The following NRG3 variants were observed in gnomAD, a reference collection of about 807,000 sequenced individuals.
NRG3 encodes the protein pro-neuregulin-3, membrane-bound isoform.
In NRG3, 31 loss-of-function variants were observed where a neutral mutation model predicts 66.9. The ratio of observed to expected loss-of-function variants is 0.46; its 90% confidence interval spans 0.35 to 0.63. The LOEUF (loss-of-function observed/expected upper bound fraction) is 0.63. NRG3 is among the 20% of genes least tolerant of loss of function. The pLI is 0.00. For missense variants in NRG3, 910 were observed against 878.9 expected (o/e 1.04, Z -0.45); for synonymous variants, 393 against 359.4 (o/e 1.09, Z -1.06).
chr10:82,555,984 G>T (rs1051547761), intron 2 of NRG3, among the ~76,000 whole-genome samples: 4 of 152,026 alleles, frequency 2.6e-5, no homozygotes, highest in African/African-American at 9.7e-5. Context: ...TTGCAACTTG[G>T]ATTTCTCTCA....
At chr10:82,156,994 C>T (rs757363828) in intron 1 of NRG3, among the ~76,000 whole-genome samples, 24 of 151,630 alleles carry the variant, frequency 1.6e-4, no homozygotes, top group Non-Finnish European at 1.8e-4. Flanking sequence ...GTCATTGCAT[C>T]GGCAGGAATC....
At chr10:82,274,411 T>C (rs757136805) in intron 1 of NRG3, among the ~76,000 whole-genome samples, 5 of 147,504 alleles carry the variant, frequency 3.4e-5, no homozygotes, top group Non-Finnish European at 7.4e-5. Flanking sequence ...TTGTCAGATC[T>C]AGAATGATTA....
At chr10:82,384,012 CATT>C (rs1327652425) in intron 2 of NRG3, among the ~76,000 whole-genome samples, 1 of 152,028 alleles carries the variant, frequency 6.6e-6, no homozygotes, top group Non-Finnish European at 1.5e-5. Context: ...CATCACTAAA[CATT>C]AATCTGCTAT....
chr10:82,759,682 T>G (rs929814905), intron 3 of NRG3, among the ~76,000 whole-genome samples: 2 of 152,110 alleles, frequency 1.3e-5, no homozygotes, highest in Non-Finnish European at 2.9e-5. Flanking sequence ...GCCAAAGTGA[T>G]GAGAAGTTGT....
intron 3 of NRG3, among the ~76,000 whole-genome samples, chr10:82,828,333 C>T (rs1412902601): frequency 6.6e-6 from 1 of 152,134 alleles, no homozygotes; most frequent in African/African-American, 2.4e-5. Flanking sequence ...TTACTTCTGC[C>T]CCCTGCCTAG....
intron 2 of NRG3, among the ~76,000 whole-genome samples, chr10:82,680,642 C>T (rs1009225770): frequency 2.6e-5 from 4 of 152,112 alleles, no homozygotes; most frequent in African/African-American, 9.7e-5. Flanking sequence ...GTTTATGAAT[C>T]GCTGTTGATC....
chr10:82,753,813 G>A (rs977879604), intron 3 of NRG3, among the ~76,000 whole-genome samples: 1 of 151,874 alleles, frequency 6.6e-6, no homozygotes, highest in Non-Finnish European at 1.5e-5. Flanking sequence ...TGGGCATGGT[G>A]GCACATGCAT....
At chr10:82,096,805 A>T (rs768359108) in intron 1 of NRG3, among the ~76,000 whole-genome samples, 8 of 152,202 alleles carry the variant, frequency 5.3e-5, no homozygotes, top group Non-Finnish European at 8.8e-5. Context: ...AAGATAAGCC[A>T]ACATAATAAT....
intron 2 of NRG3, among the ~76,000 whole-genome samples, chr10:82,437,315 G>A (rs899016589): frequency 1.3e-5 from 2 of 150,932 alleles, no homozygotes; most frequent in South Asian, 2.1e-4. Flanking sequence ...CCTTTCTTCT[G>A]CTTGGTCGAT....
At chr10:82,626,657 T>C (rs1406691133) in intron 2 of NRG3, among the ~76,000 whole-genome samples, 1 of 152,148 alleles carries the variant, frequency 6.6e-6, no homozygotes, top group African/African-American at 2.4e-5. Context: ...TTTTTCTTCT[T>C]TCCATTGAGT....
intron 1 of NRG3, among the ~76,000 whole-genome samples, chr10:82,198,817 T>C (rs1284188937): frequency 6.6e-6 from 1 of 151,888 alleles, no homozygotes; most frequent in Non-Finnish European, 1.5e-5. Context: ...ACCAACATGG[T>C]GAAACCCCGT....
At chr10:82,337,141 G>C (rs1589761436) in intron 1 of NRG3, among the ~76,000 whole-genome samples, 1 of 152,040 alleles carries the variant, frequency 6.6e-6, no homozygotes, top group African/African-American at 2.4e-5. Context: ...GGAAACCAAG[G>C]TTAACAGATA....
At position 82,544,469 on chromosome 10, in the gene NRG3, T is replaced by A. The variant is rs116540088; in HGVS notation, c.953+185601T>A. On this transcript the variant is annotated intron_variant, in intron 2 of 8. Coordinates refer to ENST00000372141, the MANE Select transcript of NRG3 (RefSeq NM_001010848.4). ...ATGTAACATCCTCCCAATCAGACTCTGAACTCAACCACATGACTTGATTTA... is the reference window on the plus strand; with the variant it reads ...ATGTAACATCCTCCCAATCAGACTCAGAACTCAACCACATGACTTGATTTA... Among the ~76,000 whole-genome samples, 959 of 152,320 alleles carry A rather than the reference T, an allele frequency of 6.3e-3. 6 individuals carry two copies. Among genetic ancestry groups the A allele is most frequent in the African/African-American group, 0.021 (887 of 41,576 alleles).
chr10:82,795,894 T>C (rs2060781002), intron 3 of NRG3, among the ~76,000 whole-genome samples: 1 of 152,140 alleles, frequency 6.6e-6, no homozygotes, highest in South Asian at 2.1e-4. Flanking sequence ...GTTTAGGGCC[T>C]AGTGCAGGAG....
intron 2 of NRG3, among the ~76,000 whole-genome samples, chr10:82,683,034 C>T (rs1447457553): frequency 7.1e-6 from 1 of 141,382 alleles, no homozygotes; most frequent in Non-Finnish European, 1.5e-5. Flanking sequence ...TCTCAGCTCA[C>T]TGCAATCTCT....
In NRG3 at chr10:82,665,519, G is replaced by C. The variant is rs182484955; in HGVS notation, c.954-73058G>C. ...AACTCTGTACTAATTCCATTGCTGT[G>C]CTCTCAGAAAACTTTGTCTCCTCAT... On this transcript the variant is annotated intron_variant, in intron 2 of 8. Coordinates refer to ENST00000372141, the MANE Select transcript of NRG3 (RefSeq NM_001010848.4). 1.2e-4 allele frequency among the ~76,000 whole-genome samples: 18 copies of C among 152,128 alleles called. No homozygotes were observed. In the East Asian group the frequency reaches 2.3e-3, roughly 20 times the overall value.
rs183838112 is a variant in NRG3, at chr10:82,379,316, C to T, written c.953+20448C>T. Reference sequence around the variant, plus strand: ...TTTCATTGCCTGAAAAATTAGCCAACGCTTGGGGGGAAATGAGCTTCACAG... The same window carrying T: ...TTTCATTGCCTGAAAAATTAGCCAATGCTTGGGGGGAAATGAGCTTCACAG... On this transcript the variant is annotated intron_variant, in intron 2 of 8. Coordinates refer to ENST00000372141, the MANE Select transcript of NRG3 (RefSeq NM_001010848.4). Among the ~76,000 whole-genome samples the T allele has an allele frequency of 2.0e-3, 303 of 152,094 alleles. 3 individuals carry two copies. The highest frequency in any genetic ancestry group is 6.3e-3 in the Admixed American group (96 of 15,274).
chr10:82,004,503 C>T (rs567121849), intron 1 of NRG3, among the ~76,000 whole-genome samples: 32 of 152,150 alleles, frequency 2.1e-4, no homozygotes, highest in African/African-American at 4.1e-4. Flanking sequence ...TCAATCTAAC[C>T]GTAACTGAAC....
At chr10:82,216,538 GTACACATA>G (rs931934335) in intron 1 of NRG3, among the ~76,000 whole-genome samples, 1 of 146,624 alleles carries the variant, frequency 6.8e-6, no homozygotes, top group East Asian at 2.0e-4. Context: ...ATGTGTGTGT[GTACACATA>G]TGTATACATA....
Sources: allele counts gnomAD v4.1 joint callset (sites outside exome capture counted in the v4.1 genomes callset), GRCh38; gene constraint gnomAD v4.1.1; transcripts MANE v1.5; gene names NCBI Gene and HGNC (gene_info 2026-07-23, HGNC 2026-07-21).